The following ZNHIT6 variants were observed in gnomAD, a reference collection of about 807,000 sequenced individuals.
The protein encoded by ZNHIT6 is zinc finger HIT-type containing 6, also known as box C/D snoRNA protein 1.
A neutral mutation model predicts 57.2 loss-of-function variants in ZNHIT6; 45 were observed. The observed-to-expected ratio is 0.79, with a 90% CI of 0.62 to 1.01. The LOEUF (loss-of-function observed/expected upper bound fraction) is 1.01, where lower values mean the gene tolerates loss of function less well. Ranked by LOEUF, ZNHIT6 falls within the 50% of genes least tolerant of loss-of-function variation. The pLI, the probability that ZNHIT6 is intolerant of heterozygous loss-of-function variation, is 0.00. For synonymous variants in ZNHIT6, 188 were observed against 190.0 expected (o/e 0.99, Z 0.09); for missense variants, 528 against 567.3 (o/e 0.93, Z 0.70).
intron 1 of ZNHIT6, 62 bp from the exon 2 acceptor site, chr1:85,706,569 A>G: frequency 1.5e-6 from 2 of 1,372,366 alleles, no homozygotes; most frequent in Non-Finnish European, 9.7e-7. Flanking sequence ...TTATAAACTT[A>G]GAATTCCCAA....
intron 8 of ZNHIT6, among the ~76,000 whole-genome samples, chr1:85,663,638 C>G (rs1411950870): frequency 6.6e-6 from 1 of 152,084 alleles, no homozygotes; most frequent in East Asian, 1.9e-4. Flanking sequence ...TTCATTGGCA[C>G]AAGTATCATG....
chr1:85,661,289 T>C (rs1348883043), intron 8 of ZNHIT6, among the ~76,000 whole-genome samples: 1 of 152,204 alleles, frequency 6.6e-6, no homozygotes, highest in Non-Finnish European at 1.5e-5. Context: ...TCTGTGATCC[T>C]GGACAAGTTA....
intron 5 of ZNHIT6, among the ~76,000 whole-genome samples, chr1:85,683,410 C>T (rs1033565834): frequency 2.0e-5 from 3 of 151,912 alleles, no homozygotes; most frequent in Non-Finnish European, 4.4e-5. Context: ...CCCAGCTACT[C>T]GGGAGGCCGA....
At chr1:85,703,580 T>C (rs1256766989) in intron 4 of ZNHIT6, among the ~76,000 whole-genome samples, 2 of 152,294 alleles carry the variant, frequency 1.3e-5, no homozygotes, top group South Asian at 4.1e-4. Context: ...AAAAGTGGAT[T>C]ATCTATATGA....
At chr1:85,685,007 GT>G (rs1228746872) in intron 5 of ZNHIT6, among the ~76,000 whole-genome samples, 1 of 152,044 alleles carries the variant, frequency 6.6e-6, no homozygotes, top group Non-Finnish European at 1.5e-5. Flanking sequence ...TCCTTTTCAG[GT>G]TTGTAGAAAT....
chr1:85,652,800 A>G lies in ZNHIT6; in HGVS notation c.*1258T>C, dbSNP rs556038204. On this transcript the variant is annotated 3_prime_UTR_variant, in exon 10 of 10. Transcript: ENST00000370574. Reference sequence around the variant, plus strand: ...TGCTTTTTAACCATTAAGTACACACATACAATATAGATGTAACAATCTTTT... The same window carrying G: ...TGCTTTTTAACCATTAAGTACACACGTACAATATAGATGTAACAATCTTTT... 1.4e-4 allele frequency: 21 copies of G among 152,374 alleles called. No individual in the cohort carries two copies. The East Asian group carries it at 3.9e-3, about 28-fold the overall frequency. 9.4% of individuals were successfully genotyped at this position (152,374 alleles called of 1,614,324 possible). A position where few individuals can be genotyped will look rare whatever the true frequency, so the allele number is the denominator to read the frequency against.
At position 85,680,922 on chromosome 1, in the gene ZNHIT6, CAT is replaced by C. The variant is rs771786730; in HGVS notation, c.1020-20_1020-19del. On this transcript the variant is annotated intron_variant, in intron 5 of 9. Transcript: ENST00000370574. ...GTTGTTTTCTAAGAGAGAAAATAAT[CAT>C]GTGAGAATCAAGGTAGATAATAAAA... The C allele has an allele frequency of 5.6e-6, 9 of 1,595,328 alleles. No individual in the cohort carries two copies. In the Admixed American group the frequency reaches 8.4e-5, roughly 15 times the overall value.
At position 85,676,464 on chromosome 1, in the gene ZNHIT6, C is replaced by T. The variant is rs575043864; in HGVS notation, c.1247+772G>A. Among the ~76,000 whole-genome samples the T allele has an allele frequency of 2.8e-3, 432 of 152,244 alleles. 2 individuals carry two copies. Among genetic ancestry groups the T allele is most frequent in the African/African-American group, 9.8e-3 (406 of 41,560 alleles). On this transcript the variant is annotated intron_variant, in intron 8 of 9. Coordinates refer to ENST00000370574, the MANE Select transcript of ZNHIT6 (RefSeq NM_017953.4). ...GACTTGACTAACTAGCAGGAGAGGC[C>T]TAGCTTTCAGCCTATCTCGGCTTTC...
At chr1:85,700,634 A>T (rs1244169259) in intron 5 of ZNHIT6, among the ~76,000 whole-genome samples, 3 of 152,230 alleles carry the variant, frequency 2.0e-5, no homozygotes, top group African/African-American at 7.2e-5. Flanking sequence ...GATTACAATC[A>T]TTCTGAATAG....
At chr1:85,693,360 T>C (rs1200563557) in intron 5 of ZNHIT6, among the ~76,000 whole-genome samples, 1 of 152,052 alleles carries the variant, frequency 6.6e-6, no homozygotes, top group Non-Finnish European at 1.5e-5. Flanking sequence ...AGTAATACAA[T>C]TCTGTCTAAA....
At chr1:85,663,874 A>ACT (rs1227318326) in intron 8 of ZNHIT6, among the ~76,000 whole-genome samples, 1 of 151,786 alleles carries the variant, frequency 6.6e-6, no homozygotes, top group East Asian at 1.9e-4. Context: ...AGGCCCCCAA[A>ACT]CTCTCTGGCT....
At chr1:85,667,033 T>C (rs1409390139) in intron 8 of ZNHIT6, among the ~76,000 whole-genome samples, 2 of 152,188 alleles carry the variant, frequency 1.3e-5, no homozygotes, top group Non-Finnish European at 1.5e-5. Context: ...CAAAAAGGTA[T>C]AACAAAGAAC....
At chr1:85,687,026 T>C (rs532882005) in intron 5 of ZNHIT6, among the ~76,000 whole-genome samples, 2 of 151,556 alleles carry the variant, frequency 1.3e-5, no homozygotes, top group South Asian at 4.2e-4. Flanking sequence ...TCCCAGCACT[T>C]TGGGAGGCCG....
At chr1:85,659,521 T>C (rs1661167495) in intron 8 of ZNHIT6, among the ~76,000 whole-genome samples, 1 of 152,224 alleles carries the variant, frequency 6.6e-6, no homozygotes, top group Admixed American at 6.5e-5. Flanking sequence ...TTTTATCTCC[T>C]GCTCAAAAAA....
chr1:85,692,864 A>G (rs577101234), intron 5 of ZNHIT6, among the ~76,000 whole-genome samples: 2 of 152,296 alleles, frequency 1.3e-5, no homozygotes, highest in Admixed American at 6.5e-5. Context: ...CAAAGAACAA[A>G]AAGTAATTTT....
At chr1:85,665,821 G>C (rs934650870) in intron 8 of ZNHIT6, among the ~76,000 whole-genome samples, 2 of 152,128 alleles carry the variant, frequency 1.3e-5, no homozygotes, top group African/African-American at 4.8e-5. Flanking sequence ...AGAAACTTTT[G>C]CTTAGAGGTT....
chr1:85,670,258 G>T (rs902581109), intron 8 of ZNHIT6, among the ~76,000 whole-genome samples: 1 of 152,052 alleles, frequency 6.6e-6, no homozygotes, highest in East Asian at 1.9e-4. Flanking sequence ...ATGTCCATTC[G>T]TTTAAGTGGT....
Position 85,649,463 on chromosome 1 carries a change from A to C in ZNHIT6, c.*4595T>G, listed in dbSNP as rs1450604346. The C allele has an allele frequency of 1.6e-4, 24 of 152,174 alleles. No individual in the cohort carries two copies. The allele number at this position is 152,174 out of a possible 1,614,324, so 9.4% of individuals were successfully genotyped here. A position where few individuals can be genotyped will look rare whatever the true frequency, so the allele number is the denominator to read the frequency against. The stretch of plus-strand genomic sequence containing the variant: ...TATTTGGCAAGAAAATAAAACTGGA[A>C]ATAGAATTATATAGCAGCTCATCAA... On this transcript the variant is annotated 3_prime_UTR_variant, in exon 10 of 10. Coordinates refer to ENST00000370574, the MANE Select transcript of ZNHIT6 (RefSeq NM_017953.4).
At chr1:85,704,709 C>A (rs1256257496) in intron 4 of ZNHIT6, among the ~76,000 whole-genome samples, 2 of 151,926 alleles carry the variant, frequency 1.3e-5, no homozygotes, top group Non-Finnish European at 2.9e-5. Context: ...GAATAATTTT[C>A]TTTCAGATAT....
Sources: gnomAD v4.1 joint callset for allele counts (sites outside exome capture counted in the v4.1 genomes callset) on GRCh38, gnomAD v4.1.1 for gene constraint, MANE v1.5 for transcripts, NCBI Gene and HGNC (gene_info 2026-07-23, HGNC 2026-07-21) for gene names.